The following C12orf42 variants were observed in gnomAD, a reference collection of about 807,000 sequenced individuals.
C12orf42 encodes uncharacterized protein C12orf42.
In C12orf42, 25 loss-of-function variants were observed where a neutral mutation model predicts 21.6. That is an observed-to-expected ratio of 1.16 (90% CI 0.84 to 1.62). C12orf42 has a LOEUF of 1.62. Ranked by LOEUF, C12orf42 falls within the 40% of genes most tolerant of loss-of-function variation. The probability of loss-of-function intolerance (pLI) is 0.00; values close to 1 mark genes in which losing one functional copy is unlikely to be tolerated. For synonymous variants in C12orf42, 174 were observed against 175.0 expected (o/e 0.99, Z 0.05); for missense variants, 483 against 459.3 (o/e 1.05, Z -0.47).
chr12:103,058,658 G>C, the C12orf42 span, among the ~76,000 whole-genome samples: 1 of 152,178 alleles, frequency 6.6e-6, no homozygotes, highest in Non-Finnish European at 1.5e-5. Context: ...AATCAAATAA[G>C]AACTCAGGGT....
chr12:103,138,007 G>C, the C12orf42 span, among the ~76,000 whole-genome samples: 2 of 152,082 alleles, frequency 1.3e-5, no homozygotes, highest in Non-Finnish European at 2.9e-5. Flanking sequence ...TTTCAAAATA[G>C]CTAGAAAGGA....
At chr12:103,217,926 C>T in the C12orf42 span, among the ~76,000 whole-genome samples, 3 of 152,142 alleles carry the variant, frequency 2.0e-5, no homozygotes, top group Non-Finnish European at 4.4e-5. Flanking sequence ...AATCCTGACA[C>T]ATTTCTTGTC....
At chr12:103,197,095 T>C in the C12orf42 span, among the ~76,000 whole-genome samples, 1 of 152,248 alleles carries the variant, frequency 6.6e-6, no homozygotes, top group Non-Finnish European at 1.5e-5. Context: ...AAGTACCTTT[T>C]CTAAGGAAGG....
intron 4 of C12orf42, among the ~76,000 whole-genome samples, chr12:103,354,883 A>G (rs1317489106): frequency 6.6e-6 from 1 of 152,036 alleles, no homozygotes; most frequent in Non-Finnish European, 1.5e-5. Flanking sequence ...TGTATTGTAT[A>G]TTATCAAATA....
At chr12:103,254,679 C>A (rs181414729) in intron 10 of C12orf42, among the ~76,000 whole-genome samples, 2 of 152,296 alleles carry the variant, frequency 1.3e-5, no homozygotes, top group Non-Finnish European at 2.9e-5. Context: ...CAAAACACTG[C>A]GTGTCCTCAC....
the C12orf42 span, among the ~76,000 whole-genome samples, chr12:103,111,227 C>T: frequency 6.6e-6 from 1 of 151,934 alleles, no homozygotes; most frequent in Admixed American, 6.6e-5. Context: ...AACACTTGTT[C>T]TCTTTGATTT....
chr12:103,439,278 A>C (rs902541690), intron 2 of C12orf42, among the ~76,000 whole-genome samples: 3 of 152,096 alleles, frequency 2.0e-5, no homozygotes, highest in African/African-American at 7.2e-5. Context: ...TAAAGACTTA[A>C]ACGTTAGACA....
intron 4 of C12orf42, among the ~76,000 whole-genome samples, chr12:103,283,392 T>TC (rs1472111111): frequency 2.0e-5 from 3 of 152,246 alleles, no homozygotes; most frequent in Admixed American, 1.3e-4. Context: ...TTCTGCTCTG[T>TC]GTTCAGAGCC....
chr12:103,382,768 CTCTTCAAAAT>C (rs2046292710), intron 3 of C12orf42, among the ~76,000 whole-genome samples: 1 of 152,188 alleles, frequency 6.6e-6, no homozygotes, highest in South Asian at 2.1e-4. Flanking sequence ...AAAAAGCTGT[CTCTTCAAAAT>C]TCAATCTATT....
intron 4 of C12orf42, among the ~76,000 whole-genome samples, chr12:103,285,196 A>G (rs2036368999): frequency 6.6e-6 from 1 of 152,236 alleles, no homozygotes; most frequent in African/African-American, 2.4e-5. Context: ...ATTGCTCTCT[A>G]TATCACAGGC....
chr12:103,166,269 G>T, the C12orf42 span, among the ~76,000 whole-genome samples: 4 of 152,142 alleles, frequency 2.6e-5, no homozygotes, highest in East Asian at 7.7e-4. Context: ...TTTATAGGGT[G>T]GTTGTTCTGA....
intron 2 of C12orf42, among the ~76,000 whole-genome samples, chr12:103,428,623 C>T (rs897335136): frequency 6.6e-6 from 1 of 152,132 alleles, no homozygotes; most frequent in African/African-American, 2.4e-5. Context: ...TTGTATGAGT[C>T]CAATGTCATC....
chr12:103,353,687 C>A (rs1451798649), intron 4 of C12orf42, among the ~76,000 whole-genome samples: 3 of 152,152 alleles, frequency 2.0e-5, no homozygotes, highest in African/African-American at 7.2e-5. Context: ...AAACTACCCC[C>A]CAAATGCAAA....
intron 2 of C12orf42, among the ~76,000 whole-genome samples, chr12:103,456,556 T>C (rs551751668): frequency 1.6e-4 from 25 of 152,328 alleles, no homozygotes; most frequent in Admixed American, 7.2e-4. Context: ...AGGAATCTTT[T>C]AACTCATTGT....
At chr12:103,222,866 T>A in the C12orf42 span, among the ~76,000 whole-genome samples, 1 of 151,278 alleles carries the variant, frequency 6.6e-6, no homozygotes, top group African/African-American at 2.4e-5. Flanking sequence ...ATAAGAAGCA[T>A]TCTAGATCAA....
At chr12:103,118,783 A>T in the C12orf42 span, among the ~76,000 whole-genome samples, 1 of 142,830 alleles carries the variant, frequency 7.0e-6, no homozygotes, top group Admixed American at 6.8e-5. Flanking sequence ...AAAAAAAAAA[A>T]AAAAAAAAAA....
chr12:103,427,472 C>T (rs1485148344), intron 2 of C12orf42, among the ~76,000 whole-genome samples: 5 of 152,024 alleles, frequency 3.3e-5, no homozygotes, highest in Admixed American at 3.3e-4. Flanking sequence ...CACCCAGATT[C>T]ATAAAGCAAG....
chr12:103,271,985 A>C (rs1027840184), intron 5 of C12orf42, among the ~76,000 whole-genome samples: 2 of 152,196 alleles, frequency 1.3e-5, no homozygotes, highest in South Asian at 2.1e-4. Flanking sequence ...CCATCATTTA[A>C]ATCTTTGGCA....
chr12:103,192,613 G>A, the C12orf42 span, among the ~76,000 whole-genome samples: 1 of 151,782 alleles, frequency 6.6e-6, no homozygotes, highest in Non-Finnish European at 1.5e-5. Flanking sequence ...CATGAGATAA[G>A]ATAGACTTTG....
Sources: gnomAD v4.1 joint callset for allele counts (sites outside exome capture counted in the v4.1 genomes callset) on GRCh38, gnomAD v4.1.1 for gene constraint, MANE v1.5 for transcripts, NCBI Gene and HGNC (gene_info 2026-07-23, HGNC 2026-07-21) for gene names.